ARL5C: variants seen among roughly 807,000 people sequenced by gnomAD.
ARL5C encodes the protein ARF like GTPase 5C.
Under a neutral mutation model 20.8 loss-of-function variants are expected in ARL5C, and 21 were observed. The observed-to-expected ratio is 1.01, with a 90% confidence interval of 0.72 to 1.46. ARL5C has a LOEUF of 1.46. Among genes scored for constraint, ARL5C ranks in the 40% most tolerant of loss-of-function variants. The pLI, the probability that ARL5C is intolerant of heterozygous loss-of-function variation, is 0.00. For synonymous variants in ARL5C, 71 were observed against 81.6 expected, an observed-to-expected ratio of 0.87 and a Z score of 0.70; for missense variants, 199 against 225.1, an observed-to-expected ratio of 0.88 and a Z score of 0.74.
intron 2 of ARL5C, among the ~76,000 whole-genome samples, chr17:39,163,384 T>TTCTTTCTTTCTTTCTTTCTTTCTC (rs1567781449): frequency 5.8e-5 from 8 of 138,786 alleles, no homozygotes; most frequent in Non-Finnish European, 1.1e-4. Flanking sequence ...CTTTCTTTCT[T>TTCTTTCTTTCTTTCTTTCTTTCTC]TCTTTCTTTC....
At chr17:39,157,272 A>G in intron 5 of ARL5C, among the ~76,000 whole-genome samples, 1 of 152,194 alleles carries the variant, frequency 6.6e-6, no homozygotes, top group South Asian at 2.1e-4. Context: ...AGAGTCAGGG[A>G]GGGCTTCTCT....
rs776370721 is a variant in ARL5C at position 39,165,670 on chromosome 17, G to T, written c.46+45C>A. The T allele has an allele frequency of 3.2e-6, 5 of 1,550,822 alleles. No homozygotes were observed. In the East Asian group the frequency reaches 1.2e-4, roughly 38 times the overall value. On this transcript the variant is annotated intron_variant, in intron 1 of 5. Coordinates refer to ENST00000269586, the MANE Select transcript of ARL5C (RefSeq NM_001143968.1). ...CACAGATCAGAGGAGTCCCAGAAGA[G>T]GGCGAGATCAAAGCGCTCGCTTGGA... is the stretch of plus-strand genomic sequence containing the variant.
At chr17:39,157,597 C>A (rs2045411622) in intron 5 of ARL5C, among the ~76,000 whole-genome samples, 1 of 150,448 alleles carries the variant, frequency 6.6e-6, no homozygotes, top group Admixed American at 6.7e-5. Flanking sequence ...CGAGACCAGC[C>A]TGACCAACAT....
intron 3 of ARL5C, 41 bp downstream of exon 3, chr17:39,162,670 C>T (rs1473878556): frequency 1.9e-5 from 30 of 1,541,020 alleles, no homozygotes; most frequent in Admixed American, 9.9e-5. Flanking sequence ...TGATATCACA[C>T]GCCTGCCTTG....
chr17:39,159,022 GTTTTTT>G (rs869126572), intron 5 of ARL5C, among the ~76,000 whole-genome samples: 3 of 52,456 alleles, frequency 5.7e-5, no homozygotes, highest in African/African-American at 7.7e-5. Context: ...TTTATCACTT[GTTTTTT>G]TTTTTTTTTT....
At chr17:39,158,743 C>T (rs2144041072) in intron 5 of ARL5C, among the ~76,000 whole-genome samples, 1 of 152,222 alleles carries the variant, frequency 6.6e-6, no homozygotes, top group African/African-American at 2.4e-5. Flanking sequence ...TAAAATCCTC[C>T]AGGTGATTAC....
At chr17:39,161,120 T>A in intron 4 of ARL5C, 148 bp downstream of exon 4, 1 of 742,490 alleles carries the variant, frequency 1.3e-6, no homozygotes, top group Non-Finnish European at 2.3e-6. Flanking sequence ...ATGCCCTTCA[T>A]CAGGCACAAA....
At chr17:39,165,541 G>A (rs2045458671) in intron 1 of ARL5C, 174 bp downstream of exon 1, 1 of 736,824 alleles carries the variant, frequency 1.4e-6, no homozygotes, top group Non-Finnish European at 2.2e-6. Context: ...GAAGCGCCGG[G>A]ACCCAAGAGG....
chr17:39,156,998 CA>C lies in ARL5C; in HGVS notation c.492-57del, dbSNP rs2045408976. 2.6e-6 allele frequency: 4 copies of C among 1,544,060 alleles called. No individual in the cohort carries two copies. In the South Asian group the frequency reaches 4.8e-5, roughly 18 times the overall value. On this transcript the variant is annotated intron_variant, in intron 5 of 5. Coordinates refer to ENST00000269586, the MANE Select transcript of ARL5C (RefSeq NM_001143968.1). ...CCTAACCCAAGAGAATGATGGCCTTCAAGTCTCCAGCCCTTGCCCAGATCGG... is the reference window on the plus strand; with the variant it reads ...CCTAACCCAAGAGAATGATGGCCTTCAGTCTCCAGCCCTTGCCCAGATCGG...
At chr17:39,162,948 C>T in intron 2 of ARL5C, 90 bp from the exon 3 acceptor site, 3 of 1,456,126 alleles carry the variant, frequency 2.1e-6, no homozygotes, top group Non-Finnish European at 2.8e-6. Flanking sequence ...CAGTCTGAAT[C>T]TAACTCAGAA....
chr17:39,156,880 C>A, downstream of ARL5C: 4 of 1,551,810 alleles, frequency 2.6e-6, no homozygotes, highest in Non-Finnish European at 3.5e-6. Flanking sequence ...TCTGGTTGAC[C>A]TCAGACTGGA....
chr17:39,165,572 G>A, intron 1 of ARL5C, 143 bp downstream of exon 1: 1 of 1,021,814 alleles, frequency 9.8e-7, no homozygotes, highest in Non-Finnish European at 1.4e-6. Flanking sequence ...GACGGGGGCA[G>A]GGGAGGCCGC....
At chr17:39,159,457 C>A (rs112550772) in intron 5 of ARL5C, among the ~76,000 whole-genome samples, 5,943 of 151,850 alleles carry the variant, frequency 0.039, 393 homozygotes, top group African/African-American at 0.14. Flanking sequence ...CCACCACACC[C>A]GGCTAATTTT....
At chr17:39,163,346 C>CTTTCTTTCTT (rs1491491140) in intron 2 of ARL5C, among the ~76,000 whole-genome samples, 11 of 18,612 alleles carry the variant, frequency 5.9e-4, no homozygotes, top group Non-Finnish European at 9.4e-4. Flanking sequence ...AGGCTTTTGC[C>CTTTCTTTCTT]TTTCTTTCTT....
rs185706581 is a variant in ARL5C at position 39,165,830 on chromosome 17, G to T, written c.-70C>A. The T allele has an allele frequency of 8.9e-4, 1,355 of 1,521,628 alleles. 21 individuals carry two copies. In the East Asian group the frequency reaches 0.031, roughly 35 times the overall value. 94.3% of individuals were successfully genotyped at this position (1,521,628 alleles called of 1,614,324 possible). ...AGGAGCGGAGTCGGCCCTGGTATTC[G>T]GAGCTCCGCTCCCCCGGGAGGGTCT... On this transcript the variant is annotated 5_prime_UTR_variant, in exon 1 of 6. Transcript: ENST00000269586.
Position 39,163,100 on chromosome 17 carries a change from C to T in ARL5C, c.108-242G>A, listed in dbSNP as rs543481483. Among the ~76,000 whole-genome samples, 5 of 152,242 alleles carry T rather than the reference C, an allele frequency of 3.3e-5. No homozygotes were observed. In the South Asian group the frequency reaches 8.3e-4, roughly 25 times the overall value. On this transcript the variant is annotated intron_variant, in intron 2 of 5. Coordinates refer to ENST00000269586, the MANE Select transcript of ARL5C (RefSeq NM_001143968.1). ...AACATCTTAGAGGAGGCTCCTCAAACTTTATCTCTTTTTTTCTTTTTATAG... is the reference window on the plus strand; with the variant it reads ...AACATCTTAGAGGAGGCTCCTCAAATTTTATCTCTTTTTTTCTTTTTATAG...
intron 3 of ARL5C, among the ~76,000 whole-genome samples, 192 bp from the exon 4 acceptor site, chr17:39,161,543 T>G (rs1239079348): frequency 6.6e-6 from 1 of 150,696 alleles, no homozygotes; most frequent in Non-Finnish European, 1.5e-5. Context: ...AGGCGGAGTC[T>G]CGCTCTGTCA....
At position 39,160,770 on chromosome 17, in the gene ARL5C, C is replaced by G. The variant is rs776960578; in HGVS notation, c.340-28G>C. On this transcript the variant is annotated intron_variant, in intron 4 of 5. Transcript: ENST00000269586. ...GTGGACAGAGGAGCCCAGCCCCAGT[C>G]AGCCTGCTAGTGCCCAGCCTTCCTT... is the stretch of plus-strand genomic sequence containing the variant. The G allele has an allele frequency of 4.5e-6, 7 of 1,548,562 alleles. No homozygotes were observed. In the South Asian group the frequency reaches 8.4e-5, roughly 18 times the overall value.
intron 3 of ARL5C, among the ~76,000 whole-genome samples, chr17:39,161,574 C>T (rs1432132619): frequency 1.3e-5 from 2 of 150,254 alleles, no homozygotes; most frequent in Non-Finnish European, 1.5e-5. Flanking sequence ...AGTGCAGTGG[C>T]GCAATCTTGG....
Sources: gnomAD v4.1 joint callset for allele counts (sites outside exome capture counted in the v4.1 genomes callset) on GRCh38, gnomAD v4.1.1 for gene constraint, MANE v1.5 for transcripts, NCBI Gene and HGNC (gene_info 2026-07-23, HGNC 2026-07-21) for gene names.